Variants in MTMR7 observed in about 807,000 individuals in gnomAD.
MTMR7 encodes phosphatidylinositol-3-phosphate phosphatase MTMR7.
In MTMR7, 76 loss-of-function variants were observed where a neutral mutation model predicts 81.2. The observed-to-expected ratio is 0.94, with a 90% confidence interval of 0.78 to 1.13. The LOEUF (loss-of-function observed/expected upper bound fraction) is 1.13, where lower values mean the gene tolerates loss of function less well. Among genes scored for constraint, MTMR7 ranks in the 50% most tolerant of loss-of-function variants. The pLI is 0.00. For synonymous variants in MTMR7, 372 were observed against 289.8 expected (o/e 1.28, Z -2.88); for missense variants, 1,044 against 820.0 (o/e 1.27, Z -3.34).
intron 6 of MTMR7, among the ~76,000 whole-genome samples, chr8:17,340,848 A>G (rs1312366805): frequency 6.6e-6 from 1 of 152,222 alleles, no homozygotes. Flanking sequence ...ATCTTTTTCT[A>G]CACCTTTTTA....
chr8:17,373,776 C>A (rs866892075), intron 1 of MTMR7, among the ~76,000 whole-genome samples: 10 of 152,124 alleles, frequency 6.6e-5, no homozygotes, highest in African/African-American at 1.9e-4. Flanking sequence ...TCTCAAGATC[C>A]TTACATTCAT....
chr8:17,379,849 G>C (rs970066055), intron 1 of MTMR7, among the ~76,000 whole-genome samples: 1 of 152,074 alleles, frequency 6.6e-6, no homozygotes, highest in African/African-American at 2.4e-5. Context: ...AATCTCCAGG[G>C]ATGGAGTGAA....
In MTMR7 at chr8:17,305,799, C is replaced by T. The variant is rs1466869593; in HGVS notation, c.1310G>A (p.Gly437Glu). 1 of 1,613,526 alleles carries T rather than the reference C, an allele frequency of 6.2e-7. No homozygotes were observed. The change falls in exon 11 of 14, where the codon GGA becomes GAA. Residue 437 changes from glycine to glutamate, a missense_variant. Gly to Glu is a moderately conservative substitution (Grantham distance 98). Coordinates refer to ENST00000180173, the MANE Select transcript of MTMR7 (RefSeq NM_004686.5). ...CTTTTGGCTGTTACATAGGAAGTTTCCAAACTGGCAGGAATAAATGTGATG... is the reference window on the plus strand; with the variant it reads ...CTTTTGGCTGTTACATAGGAAGTTTTCAAACTGGCAGGAATAAATGTGATG... ...IQHHIYSCQF[G>E]NFLCNSQKER... is the part of the protein sequence containing the mutation.
chr8:17,358,650 T>A (rs1268409231), intron 4 of MTMR7, among the ~76,000 whole-genome samples: 2 of 152,182 alleles, frequency 1.3e-5, no homozygotes, highest in African/African-American at 4.8e-5. Context: ...CAAATATGAA[T>A]TCTATAGGCC....
At chr8:17,323,961 C>A (rs189775492) in intron 7 of MTMR7, among the ~76,000 whole-genome samples, 24 of 152,274 alleles carry the variant, frequency 1.6e-4, no homozygotes, top group Admixed American at 3.3e-4. Context: ...TGTCTCAGTG[C>A]ACTGCAAAAT....
chr8:17,302,040 C>G (rs1817151754), intron 13 of MTMR7, 114 bp downstream of exon 13: 3 of 1,406,586 alleles, frequency 2.1e-6, no homozygotes, highest in South Asian at 2.5e-5. Context: ...AGGTGTTCTA[C>G]TGACTAAAAA....
intron 2 of MTMR7, among the ~76,000 whole-genome samples, chr8:17,371,928 T>C (rs1314610070): frequency 6.7e-6 from 1 of 149,528 alleles, no homozygotes; most frequent in East Asian, 2.0e-4. Flanking sequence ...TATACATTAC[T>C]ATTGAGTATG....
chr8:17,319,494 T>G (rs1818273466), intron 7 of MTMR7, among the ~76,000 whole-genome samples: 1 of 152,200 alleles, frequency 6.6e-6, no homozygotes, highest in South Asian at 2.1e-4. Context: ...AATGCAAGTC[T>G]TCTGAGAGAC....
chr8:17,337,232 G>A (rs1401090981), intron 6 of MTMR7, among the ~76,000 whole-genome samples: 1 of 151,984 alleles, frequency 6.6e-6, no homozygotes, highest in East Asian at 1.9e-4. Context: ...GGGCGTGGTG[G>A]CGGGCACCTG....
intron 1 of MTMR7, among the ~76,000 whole-genome samples, chr8:17,411,491 T>C (rs1025480507): frequency 6.6e-6 from 1 of 152,184 alleles, no homozygotes; most frequent in African/African-American, 2.4e-5. Context: ...ACATGAAAGG[T>C]TCTAAATGCT....
intron 1 of MTMR7, among the ~76,000 whole-genome samples, chr8:17,373,842 C>G (rs1177986584): frequency 6.6e-6 from 1 of 152,210 alleles, no homozygotes; most frequent in Non-Finnish European, 1.5e-5. Flanking sequence ...AAAATCCAAA[C>G]TGCTAGAAGA....
Position 17,371,034 on chromosome 8 carries a change from T to A in MTMR7, c.310+3A>T. On this transcript the variant is annotated splice_donor_region_variant and intron_variant, in intron 3 of 13. Transcript: ENST00000180173. Reference sequence around the variant, plus strand: ...TATTAAATGCCGAGTTCCTCTGCCCTACCTGGCCTTGCAAGGCGTATCAGG... The same window carrying A: ...TATTAAATGCCGAGTTCCTCTGCCCAACCTGGCCTTGCAAGGCGTATCAGG... The A allele has an allele frequency of 1.2e-6, 2 of 1,612,164 alleles. No individual in the cohort carries two copies. The highest frequency in any genetic ancestry group is 1.7e-6 in the Non-Finnish European group (2 of 1,179,172).
intron 13 of MTMR7, 51 bp from the exon 14 acceptor site, chr8:17,300,275 T>C: frequency 3.3e-6 from 5 of 1,538,226 alleles, no homozygotes; most frequent in Non-Finnish European, 4.4e-6. Context: ...AACTTATCTT[T>C]TTCTATATAT....
intron 4 of MTMR7, among the ~76,000 whole-genome samples, chr8:17,354,530 A>G (rs1195251303): frequency 6.6e-6 from 1 of 152,230 alleles, no homozygotes; most frequent in African/African-American, 2.4e-5. Flanking sequence ...GATACAGATA[A>G]TAGTAATAAT....
At chr8:17,384,820 G>C (rs994563) in intron 1 of MTMR7, among the ~76,000 whole-genome samples, 38,636 of 152,142 alleles carry the variant, frequency 0.25, 5,877 homozygotes, top group Non-Finnish European at 0.35. Flanking sequence ...TTTTCCAAAA[G>C]GAGTATTTAA....
chr8:17,397,331 G>A (rs1488555086), intron 1 of MTMR7, among the ~76,000 whole-genome samples: 1 of 152,140 alleles, frequency 6.6e-6, no homozygotes, highest in East Asian at 1.9e-4. Context: ...CTAGGCTAGA[G>A]GGGAGCTCAA....
At chr8:17,381,665 C>T (rs1433980781) in intron 1 of MTMR7, among the ~76,000 whole-genome samples, 1 of 152,168 alleles carries the variant, frequency 6.6e-6, no homozygotes, top group Non-Finnish European at 1.5e-5. Flanking sequence ...ATAAATCAGG[C>T]TCCAGATCAC....
chr8:17,411,657 G>C (rs1283192262), intron 1 of MTMR7, among the ~76,000 whole-genome samples: 5 of 152,078 alleles, frequency 3.3e-5, no homozygotes, highest in African/African-American at 9.7e-5. Context: ...TCCATTTCCA[G>C]ATAAATAAGG....
intron 1 of MTMR7, among the ~76,000 whole-genome samples, chr8:17,383,313 G>A (rs1820819979): frequency 6.6e-6 from 1 of 152,078 alleles, no homozygotes; most frequent in African/African-American, 2.4e-5. Flanking sequence ...TCAAGCAGAG[G>A]GAGCAAGAGG....
Sources: allele counts gnomAD v4.1 joint callset (sites outside exome capture counted in the v4.1 genomes callset), GRCh38; gene constraint gnomAD v4.1.1; transcripts MANE v1.5; gene names NCBI Gene and HGNC (gene_info 2026-07-23, HGNC 2026-07-21).